The following SLC9A7 variants were observed in gnomAD, a reference collection of about 807,000 sequenced individuals.
The protein encoded by SLC9A7 is solute carrier family 9 member A7.
SLC9A7 carries 19 observed loss-of-function variants against 52.6 expected under a neutral mutation model. The observed-to-expected ratio is 0.36, with a 90% confidence interval of 0.25 to 0.53. SLC9A7 has a LOEUF of 0.53. Ranked by LOEUF, SLC9A7 falls within the 20% of genes least tolerant of loss-of-function variation. The probability of loss-of-function intolerance (pLI) is 0.91; values close to 1 mark genes in which losing one functional copy is unlikely to be tolerated. For synonymous variants in SLC9A7, 226 were observed against 252.1 expected, an observed-to-expected ratio of 0.90 and a Z score of 0.98; for missense variants, 455 against 597.9, an observed-to-expected ratio of 0.76 and a Z score of 2.49.
intron 1 of SLC9A7, among the ~76,000 whole-genome samples, chrX:46,744,356 TGGAACAATGAAA>T (rs1438786310): frequency 8.9e-6 from 1 of 112,713 alleles, no homozygotes; most frequent in African/African-American, 3.2e-5. Flanking sequence ...AGGGTTCTAC[TGGAACAATGAAA>T]GGAACAATGG....
In SLC9A7 at chrX:46,603,576, C is replaced by T. The variant is rs190581691; in HGVS notation, c.*3376G>A. 5.3e-5 allele frequency: 6 copies of T among 112,337 alleles called. No individual in the cohort carries two copies. Among genetic ancestry groups the T allele is most frequent in the East Asian group, 5.6e-4 (2 of 3,592 alleles). 9.3% of individuals were successfully genotyped at this position (112,337 alleles called of 1,213,427 possible). Reference sequence around the variant, plus strand: ...AATAATGGCCAGGGGCGGTGGCTCACGCCTGTAATCCCAGCACTTTGGGAG... The same window carrying T: ...AATAATGGCCAGGGGCGGTGGCTCATGCCTGTAATCCCAGCACTTTGGGAG... On this transcript the variant is annotated 3_prime_UTR_variant, in exon 17 of 17. Transcript: ENST00000616978.
At chrX:46,710,085 CCAA>C (rs1358990053) in intron 1 of SLC9A7, among the ~76,000 whole-genome samples, 1 of 112,109 alleles carries the variant, frequency 8.9e-6, no homozygotes, top group East Asian at 2.8e-4. Flanking sequence ...ATTATCTTGT[CCAA>C]CAACTACTTA....
At chrX:46,749,900 G>A (rs750255290) in intron 1 of SLC9A7, among the ~76,000 whole-genome samples, 49 of 110,105 alleles carry the variant, frequency 4.5e-4, no homozygotes, top group South Asian at 7.9e-4. Context: ...GGCCAACATC[G>A]TGAAACCCCG....
At chrX:46,711,575 G>A (rs60452609) in intron 1 of SLC9A7, among the ~76,000 whole-genome samples, 6,584 of 111,309 alleles carry the variant, frequency 0.059, 468 homozygotes, top group African/African-American at 0.2. Flanking sequence ...ATACATGTCC[G>A]CAGATACATA....
chrX:46,705,325 T>C lies in SLC9A7; in HGVS notation c.326-22790A>G, dbSNP rs750883621. 4.4e-4 allele frequency among the ~76,000 whole-genome samples: 49 copies of C among 112,469 alleles called. No homozygotes were observed. The Admixed American group carries it at 4.5e-3, about 10-fold the overall frequency. On this transcript the variant is annotated intron_variant, in intron 1 of 16. Transcript: ENST00000616978. ...AAGGGGTACAATCAGGACTGACTTT[T>C]AGAAGATACCATAGCAGTACAGAGA...
chrX:46,643,864 T>G (rs957697934), intron 11 of SLC9A7, among the ~76,000 whole-genome samples: 7 of 111,673 alleles, frequency 6.3e-5, no homozygotes, highest in Non-Finnish European at 9.4e-5. Flanking sequence ...CCAATCTACA[T>G]CAGGGGTGGT....
At chrX:46,620,856 T>A (rs1025631671) in intron 15 of SLC9A7, 121 bp downstream of exon 15, 5 of 488,861 alleles carry the variant, frequency 1.0e-5, no homozygotes, top group African/African-American at 2.4e-5. Context: ...CATAAGAGGA[T>A]GGGCTATCCC....
At chrX:46,644,544 G>A (rs924841293) in intron 11 of SLC9A7, among the ~76,000 whole-genome samples, 18 of 110,197 alleles carry the variant, frequency 1.6e-4, no homozygotes, top group African/African-American at 6.0e-4. Context: ...GGCTGAGGTG[G>A]GAGAATCACT....
At chrX:46,744,696 G>A (rs1921605903) in intron 1 of SLC9A7, among the ~76,000 whole-genome samples, 1 of 111,831 alleles carries the variant, frequency 8.9e-6, no homozygotes, top group African/African-American at 3.2e-5. Flanking sequence ...ACAAAACATA[G>A]CGCTTAACAC....
intron 1 of SLC9A7, among the ~76,000 whole-genome samples, chrX:46,683,154 A>C (rs1253927243): frequency 9.3e-6 from 1 of 108,064 alleles, no homozygotes; most frequent in Non-Finnish European, 1.9e-5. Flanking sequence ...CTCATTTCTC[A>C]GGCTTCTAGT....
chrX:46,697,849 G>A (rs983898540), intron 1 of SLC9A7, among the ~76,000 whole-genome samples: 5 of 112,019 alleles, frequency 4.5e-5, no homozygotes, highest in East Asian at 2.8e-4. Flanking sequence ...GAGAAATATC[G>A]CTGAATTCTT....
chrX:46,743,862 G>A (rs1181733657), intron 1 of SLC9A7, among the ~76,000 whole-genome samples: 2 of 111,570 alleles, frequency 1.8e-5, no homozygotes, highest in African/African-American at 3.3e-5. Context: ...TCATAGGTAC[G>A]AACATCTGCA....
At chrX:46,724,617 CCCA>C (rs1424225396) in intron 1 of SLC9A7, among the ~76,000 whole-genome samples, 1 of 111,488 alleles carries the variant, frequency 9.0e-6, no homozygotes. Flanking sequence ...AATAAAAATA[CCCA>C]CTCATGATAC....
In SLC9A7 at chrX:46,745,467, GAAAAA is replaced by G. The variant is rs1245018435; in HGVS notation, c.325+13233_325+13237del. ...GAGGAAAAGTATGGGCCATTCAAAG[GAAAAA>G]AATTGATAGAAACTATCCCTGAGGA... On this transcript the variant is annotated intron_variant, in intron 1 of 16. Transcript: ENST00000616978. Among the ~76,000 whole-genome samples, 30 of 111,710 alleles carry G rather than the reference GAAAAA, an allele frequency of 2.7e-4. No homozygotes were observed. In the South Asian group the frequency reaches 0.011, roughly 42 times the overall value.
intron 1 of SLC9A7, among the ~76,000 whole-genome samples, chrX:46,701,854 T>C (rs749514461): frequency 2.5e-4 from 28 of 111,408 alleles, no homozygotes; most frequent in South Asian, 1.9e-3. Flanking sequence ...AGGATAAAAA[T>C]GGTCTACTGG....
intron 1 of SLC9A7, among the ~76,000 whole-genome samples, chrX:46,744,810 A>G (rs1384917512): frequency 8.9e-6 from 1 of 111,992 alleles, no homozygotes. Flanking sequence ...CAGAGTAGAC[A>G]GCTCCAAAGT....
intron 1 of SLC9A7, among the ~76,000 whole-genome samples, chrX:46,738,636 G>A (rs1921067703): frequency 9.1e-6 from 1 of 110,343 alleles, no homozygotes; most frequent in Non-Finnish European, 1.9e-5. Context: ...CAGGTGTGGT[G>A]GCACGTGCCT....
chrX:46,694,814 A>G, intron 1 of SLC9A7, among the ~76,000 whole-genome samples: 1 of 112,600 alleles, frequency 8.9e-6, no homozygotes, highest in Non-Finnish European at 1.9e-5. Context: ...CATAACAGCA[A>G]AAAAATGAAA....
chrX:46,733,187 T>C (rs1945070487), intron 1 of SLC9A7, among the ~76,000 whole-genome samples: 1 of 111,934 alleles, frequency 8.9e-6, no homozygotes, highest in Admixed American at 9.5e-5. Flanking sequence ...TGTAAATGTA[T>C]TAACTACTCA....
Sources: allele counts gnomAD v4.1 joint callset (sites outside exome capture counted in the v4.1 genomes callset), GRCh38; gene constraint gnomAD v4.1.1; transcripts MANE v1.5; gene names NCBI Gene and HGNC (gene_info 2026-07-23, HGNC 2026-07-21).